The following RBFOX1 variants were observed in gnomAD, a reference collection of about 807,000 sequenced individuals.
The protein encoded by RBFOX1 is RNA binding fox-1 homolog 1.
RBFOX1 carries 8 observed loss-of-function variants against 57.7 expected under a neutral mutation model. The observed-to-expected ratio is 0.14, with a 90% confidence interval of 0.08 to 0.25. The LOEUF is 0.25. Ranked by LOEUF, RBFOX1 falls within the 10% of genes least tolerant of loss-of-function variation. The pLI, the probability that RBFOX1 is intolerant of heterozygous loss-of-function variation, is 1.00. For synonymous variants in RBFOX1, 326 were observed against 222.4 expected (o/e 1.47, Z -4.15); for missense variants, 611 against 548.5 (o/e 1.11, Z -1.14).
intron 5 of RBFOX1, among the ~76,000 whole-genome samples, chr16:7,572,624 G>A (rs1034585097): frequency 6.6e-6 from 1 of 152,134 alleles, no homozygotes; most frequent in African/African-American, 2.4e-5. Flanking sequence ...CGGATCACGA[G>A]GTCAGGAGAT....
chr16:7,425,813 T>C (rs556780152), intron 4 of RBFOX1, among the ~76,000 whole-genome samples: 37 of 152,242 alleles, frequency 2.4e-4, no homozygotes, highest in African/African-American at 8.9e-4. Flanking sequence ...TTCCCTGACG[T>C]GTAACAGTTC....
chr16:6,782,063 G>C (rs549444784), intron 3 of RBFOX1, among the ~76,000 whole-genome samples: 4 of 152,252 alleles, frequency 2.6e-5, no homozygotes, highest in Admixed American at 2.6e-4. Context: ...CTGGAGTGCA[G>C]TGGTATGTTC....
At chr16:6,119,784 G>A (rs1472226438) in intron 1 of RBFOX1, among the ~76,000 whole-genome samples, 1 of 152,138 alleles carries the variant, frequency 6.6e-6, no homozygotes, top group African/African-American at 2.4e-5. Flanking sequence ...AGAGGCACAA[G>A]TCTCCATGTC....
At chr16:6,875,209 A>G (rs1347442877) in intron 3 of RBFOX1, among the ~76,000 whole-genome samples, 1 of 152,186 alleles carries the variant, frequency 6.6e-6, no homozygotes, top group Non-Finnish European at 1.5e-5. Context: ...GCTACGGTTG[A>G]TGATGATGAT....
chr16:6,913,734 C>T (rs1315056218), intron 3 of RBFOX1, among the ~76,000 whole-genome samples: 1 of 152,164 alleles, frequency 6.6e-6, no homozygotes, highest in East Asian at 1.9e-4. Context: ...CCCTCCTAGC[C>T]AAGCGTCTGG....
intron 3 of RBFOX1, among the ~76,000 whole-genome samples, chr16:6,868,466 T>C (rs143271160): frequency 3.4e-5 from 5 of 148,046 alleles, no homozygotes; most frequent in Non-Finnish European, 7.5e-5. Context: ...CAGTGTTTCA[T>C]ATTTATTGGT....
At chr16:5,322,625 C>T (rs2064443451) in intron 1 of RBFOX1, among the ~76,000 whole-genome samples, 1 of 152,204 alleles carries the variant, frequency 6.6e-6, no homozygotes, top group Non-Finnish European at 1.5e-5. Flanking sequence ...CAAGGGGACA[C>T]TGGAGCCCCC....
intron 3 of RBFOX1, among the ~76,000 whole-genome samples, chr16:6,736,186 T>G (rs1427197014): frequency 7.9e-5 from 12 of 152,108 alleles, no homozygotes; most frequent in African/African-American, 2.9e-4. Context: ...TTTTTAAATT[T>G]TATTTTTCCA....
chr16:6,488,275 C>T (rs1241974694), intron 2 of RBFOX1, among the ~76,000 whole-genome samples: 2 of 152,152 alleles, frequency 1.3e-5, no homozygotes, highest in Admixed American at 1.3e-4. Flanking sequence ...CAGTTGTTGT[C>T]TGCAAAGAAG....
At chr16:7,109,731 T>C (rs2064299402) in intron 4 of RBFOX1, among the ~76,000 whole-genome samples, 1 of 151,706 alleles carries the variant, frequency 6.6e-6, no homozygotes, top group African/African-American at 2.4e-5. Flanking sequence ...AGAAGAGGGG[T>C]CATTCCAGAT....
At chr16:7,462,132 G>A (rs1054892134) in intron 4 of RBFOX1, among the ~76,000 whole-genome samples, 6 of 152,348 alleles carry the variant, frequency 3.9e-5, no homozygotes, top group African/African-American at 1.2e-4. Flanking sequence ...CTACCTCTGT[G>A]AAGTTGTGGA....
At position 6,820,094 on chromosome 16, in the gene RBFOX1, G is replaced by A. The variant is rs186328258; in HGVS notation, c.-16+165444G>A. On this transcript the variant is annotated intron_variant, in intron 3 of 15. Coordinates refer to ENST00000550418, the MANE Select transcript of RBFOX1 (RefSeq NM_018723.4). The stretch of plus-strand genomic sequence containing the variant: ...TTTTTCCTTTCCTTTTCTCATAATA[G>A]TGAGTAAGTCTCATGAAATCTGATG... 4.1e-4 allele frequency among the ~76,000 whole-genome samples: 63 copies of A among 152,150 alleles called. 1 individual carries two copies. The East Asian group carries it at 9.9e-3, about 24-fold the overall frequency.
intron 3 of RBFOX1, among the ~76,000 whole-genome samples, chr16:6,725,754 A>G (rs1265583173): frequency 6.6e-6 from 1 of 152,154 alleles, no homozygotes; most frequent in African/African-American, 2.4e-5. Context: ...TTTTCTATAA[A>G]TGAACCAAAA....
At chr16:7,004,256 C>T (rs1012472905) in intron 3 of RBFOX1, 14 of 152,054 alleles carry the variant, frequency 9.2e-5, no homozygotes, top group Admixed American at 9.2e-4. Flanking sequence ...ATATATAATG[C>T]ATAAGAACAA....
intron 1 of RBFOX1, among the ~76,000 whole-genome samples, chr16:5,448,474 T>G (rs1204266892): frequency 6.6e-6 from 1 of 152,188 alleles, no homozygotes; most frequent in Non-Finnish European, 1.5e-5. Flanking sequence ...AAACAGAGCA[T>G]TTCCCTGAAA....
At chr16:7,066,444 C>T (rs2056055197) in intron 4 of RBFOX1, among the ~76,000 whole-genome samples, 1 of 152,122 alleles carries the variant, frequency 6.6e-6, no homozygotes, top group South Asian at 2.1e-4. Context: ...AGCATTGAGG[C>T]CCAACCTTTG....
intron 3 of RBFOX1, among the ~76,000 whole-genome samples, chr16:5,699,643 T>G (rs556123459): frequency 6.6e-6 from 1 of 152,194 alleles, no homozygotes; most frequent in South Asian, 2.1e-4. Context: ...GGTTGTCAGC[T>G]CTGGGTTGGG....
At chr16:7,041,284 T>G (rs1449347540) in intron 3 of RBFOX1, among the ~76,000 whole-genome samples, 1 of 151,994 alleles carries the variant, frequency 6.6e-6, no homozygotes, top group African/African-American at 2.4e-5. Flanking sequence ...GTTTACACGT[T>G]GTCAGTGGCT....
chr16:5,853,966 T>G (rs1242561502), intron 3 of RBFOX1, among the ~76,000 whole-genome samples: 1 of 152,236 alleles, frequency 6.6e-6, no homozygotes, highest in Non-Finnish European at 1.5e-5. Context: ...GTGTTTTAAT[T>G]ACAAACTAAT....
Sources: allele counts gnomAD v4.1 joint callset (sites outside exome capture counted in the v4.1 genomes callset), GRCh38; gene constraint gnomAD v4.1.1; transcripts MANE v1.5; gene names NCBI Gene and HGNC (gene_info 2026-07-23, HGNC 2026-07-21).